ERBB4: variants seen among roughly 807,000 people sequenced by gnomAD.
ERBB4 encodes the protein receptor tyrosine-protein kinase erbB-4.
In ERBB4, 42 loss-of-function variants were observed where a neutral mutation model predicts 158.0. The ratio of observed to expected loss-of-function variants is 0.27; its 90% CI spans 0.21 to 0.34. The LOEUF (loss-of-function observed/expected upper bound fraction) is 0.34. Ranked by LOEUF, ERBB4 falls within the 10% of genes least tolerant of loss-of-function variation. ERBB4 has a pLI of 1.00. For synonymous variants in ERBB4, 583 were observed against 558.7 expected (o/e 1.04, Z -0.61); for missense variants, 1,333 against 1,624.1 (o/e 0.82, Z 3.08).
At chr2:211,545,943 A>C (rs181863098) in intron 20 of ERBB4, among the ~76,000 whole-genome samples, 92 of 152,132 alleles carry the variant, frequency 6.0e-4, no homozygotes, top group Non-Finnish European at 1.2e-3. Context: ...ATGAAGGATA[A>C]AATCCTTGAC....
chr2:212,221,793 A>G (rs1202030485), intron 1 of ERBB4, among the ~76,000 whole-genome samples: 1 of 151,404 alleles, frequency 6.6e-6, no homozygotes, highest in African/African-American at 2.4e-5. Flanking sequence ...CTAACAGGAG[A>G]CCCAAATGTG....
intron 3 of ERBB4, among the ~76,000 whole-genome samples, chr2:211,816,540 CAAAAAAAA>C (rs34323414): frequency 7.6e-5 from 5 of 65,888 alleles, no homozygotes. Context: ...GAGCCCGTCT[CAAAAAAAA>C]AAAAAAAAAA....
intron 1 of ERBB4, among the ~76,000 whole-genome samples, chr2:212,126,150 A>ACACAAGTTTTTGTTTTGTTTTT (rs2079918011): frequency 2.6e-5 from 4 of 152,154 alleles, no homozygotes; most frequent in Admixed American, 2.6e-4. Context: ...ACACAAGTTT[A>ACACAAGTTTTTGTTTTGTTTTT]CACAAGTTTT....
intron 3 of ERBB4, among the ~76,000 whole-genome samples, chr2:211,839,152 AAGGAGGAGGAGG>A (rs71409858): frequency 0.046 from 5,104 of 110,812 alleles, 150 homozygotes; most frequent in Middle Eastern, 0.066. Context: ...GGAGAGAGAG[AAGGAGGAGGAGG>A]AGGAGGAGGA....
intron 2 of ERBB4, among the ~76,000 whole-genome samples, chr2:212,064,002 G>A (rs554719485): frequency 1.3e-5 from 2 of 152,206 alleles, no homozygotes; most frequent in Admixed American, 6.5e-5. Context: ...TTAAATCACT[G>A]TAGCCATAAT....
chr2:212,035,375 C>G (rs553621824), intron 2 of ERBB4, among the ~76,000 whole-genome samples: 1 of 152,180 alleles, frequency 6.6e-6, no homozygotes, highest in Non-Finnish European at 1.5e-5. Context: ...TATGACTTTG[C>G]ATCTGCTAGT....
rs572576894 is a variant in ERBB4 at position 211,877,587 on chromosome 2, G to A, written c.421+69843C>T. Among the ~76,000 whole-genome samples the A allele has an allele frequency of 4.1e-4, 61 of 150,036 alleles. 1 individual carries two copies. In the South Asian group the frequency reaches 5.9e-3, roughly 14 times the overall value. Reference sequence around the variant, plus strand: ...ATGTCTTTTTTTTTTTCCATTTCAGGGATATTGCTATTAGTCCAGACATTA... The same window carrying A: ...ATGTCTTTTTTTTTTTCCATTTCAGAGATATTGCTATTAGTCCAGACATTA... On this transcript the variant is annotated intron_variant, in intron 3 of 27. Coordinates refer to ENST00000342788, the MANE Select transcript of ERBB4 (RefSeq NM_005235.3).
intron 2 of ERBB4, among the ~76,000 whole-genome samples, chr2:212,007,186 T>C (rs2076279133): frequency 6.6e-6 from 1 of 151,864 alleles, no homozygotes; most frequent in Non-Finnish European, 1.5e-5. Flanking sequence ...TTAACAAAAG[T>C]GGGGTGGAAC....
intron 2 of ERBB4, among the ~76,000 whole-genome samples, chr2:212,042,341 G>A (rs2077161054): frequency 6.6e-6 from 1 of 151,952 alleles, no homozygotes; most frequent in Non-Finnish European, 1.5e-5. Flanking sequence ...CAGCAAAATT[G>A]TTTAGACTAT....
chr2:211,623,295 A>G (rs2069708534), intron 18 of ERBB4, among the ~76,000 whole-genome samples: 2 of 151,610 alleles, frequency 1.3e-5, no homozygotes, highest in Non-Finnish European at 2.9e-5. Flanking sequence ...TTTTCCTCCT[A>G]TCTGACCTCA....
intron 20 of ERBB4, among the ~76,000 whole-genome samples, chr2:211,546,521 T>G (rs2125693573): frequency 6.6e-6 from 1 of 152,244 alleles, no homozygotes; most frequent in South Asian, 2.1e-4. Context: ...CCCTTGTGGC[T>G]CAATGCCCTT....
At chr2:211,788,620 T>A (rs1162299225) in intron 3 of ERBB4, among the ~76,000 whole-genome samples, 1 of 152,144 alleles carries the variant, frequency 6.6e-6, no homozygotes. Context: ...GTTGGTAATT[T>A]AACTTATTTA....
intron 2 of ERBB4, among the ~76,000 whole-genome samples, chr2:212,053,615 T>C (rs925389806): frequency 1.3e-5 from 2 of 152,302 alleles, no homozygotes; most frequent in East Asian, 1.9e-4. Context: ...TTTCCCTTTG[T>C]TCTTGGAATA....
intron 2 of ERBB4, among the ~76,000 whole-genome samples, chr2:211,960,454 G>A (rs971445252): frequency 4.6e-5 from 7 of 152,026 alleles, no homozygotes; most frequent in Non-Finnish European, 1.0e-4. Flanking sequence ...TTTTGAAAAT[G>A]TATGTAAAAG....
At chr2:211,869,414 A>G (rs891346088) in intron 3 of ERBB4, among the ~76,000 whole-genome samples, 1 of 152,162 alleles carries the variant, frequency 6.6e-6, no homozygotes, top group African/African-American at 2.4e-5. Context: ...TTCATCTAAC[A>G]TGATATTTCC....
At chr2:212,146,947 A>G (rs1393117945) in intron 1 of ERBB4, among the ~76,000 whole-genome samples, 5 of 151,622 alleles carry the variant, frequency 3.3e-5, no homozygotes, top group African/African-American at 9.7e-5. Context: ...TATCTGGGGG[A>G]AAAAGTTGGC....
chr2:212,538,643 G>T lies in ERBB4; in HGVS notation c.-113C>A, dbSNP rs1237556059. Reference sequence around the variant, plus strand: ...GGGCGCGCGTGGGGGTGCGAGGGGGGCGGGCGCGGCGCGCGCGGTGTGGCG... The same window carrying T: ...GGGCGCGCGTGGGGGTGCGAGGGGGTCGGGCGCGGCGCGCGCGGTGTGGCG... On this transcript the variant is annotated 5_prime_UTR_variant, in exon 1 of 28. Transcript: ENST00000342788. 2 of 1,088,852 alleles carry T rather than the reference G, an allele frequency of 1.8e-6. No homozygotes were observed. Among genetic ancestry groups the T allele is most frequent in the South Asian group, 2.6e-5 (2 of 76,446 alleles). 67.4% of individuals were successfully genotyped at this position (1,088,852 alleles called of 1,614,324 possible).
At chr2:212,304,126 T>A (rs1307058511) in intron 1 of ERBB4, among the ~76,000 whole-genome samples, 1 of 151,624 alleles carries the variant, frequency 6.6e-6, no homozygotes. Flanking sequence ...TTGGTCAAAA[T>A]GCTTTCAGCA....
intron 12 of ERBB4, 64 bp downstream of exon 12, chr2:211,701,903 G>A: frequency 8.2e-7 from 1 of 1,212,248 alleles, no homozygotes; most frequent in Non-Finnish European, 1.2e-6. Context: ...TAATTGTTTG[G>A]TCCAAAGAAG....
Sources: gnomAD v4.1 joint callset for allele counts (sites outside exome capture counted in the v4.1 genomes callset) on GRCh38, gnomAD v4.1.1 for gene constraint, MANE v1.5 for transcripts, NCBI Gene and HGNC (gene_info 2026-07-23, HGNC 2026-07-21) for gene names.